The following ACOT12 variants were observed in gnomAD, a reference collection of about 807,000 sequenced individuals.
ACOT12 encodes the protein acetyl-coenzyme A thioesterase.
A neutral mutation model predicts 67.7 loss-of-function variants in ACOT12; 51 were observed. That is an observed-to-expected ratio of 0.75 (90% CI 0.60 to 0.95). The LOEUF (loss-of-function observed/expected upper bound fraction) is 0.95, where lower values mean the gene tolerates loss of function less well. Ranked by LOEUF, ACOT12 falls within the 40% of genes least tolerant of loss-of-function variation. ACOT12 has a pLI of 0.00. For missense variants in ACOT12, 734 were observed against 708.1 expected, an observed-to-expected ratio of 1.04 and a Z score of -0.41; for synonymous variants, 251 against 244.6, an observed-to-expected ratio of 1.03 and a Z score of -0.24.
chr5:81,311,119 G>A, the ACOT12 span: 2 of 1,280,918 alleles, frequency 1.6e-6, no homozygotes, highest in South Asian at 1.2e-5. Flanking sequence ...TGACAGGGTT[G>A]TGAGGATCCA....
rs1398164864 is a variant in ACOT12, at chr5:81,347,910, C to CCT, written c.515_516dup (p.Glu173ArgfsTer56). On this transcript the variant is annotated frameshift_variant, in exon 6 of 15. Coordinates refer to ENST00000307624, the MANE Select transcript of ACOT12 (RefSeq NM_130767.3). LOFTEE classifies it high-confidence loss of function. ...GTGCCCCTTGTGGAAACCGCTCCTTCCTCTTCATCAAAAATGAGATCTGAA... is the reference window on the plus strand; with the variant it reads ...GTGCCCCTTGTGGAAACCGCTCCTTCCTCTCTTCATCAAAAATGAGATCTGAA... The CCT allele has an allele frequency of 3.1e-6, 5 of 1,613,568 alleles. No individual in the cohort carries two copies. Among genetic ancestry groups the CCT allele is most frequent in the Non-Finnish European group, 4.2e-6 (5 of 1,179,780 alleles).
intron 2 of ACOT12, among the ~76,000 whole-genome samples, chr5:81,377,008 A>G (rs1760439031): frequency 6.6e-6 from 1 of 152,224 alleles, no homozygotes; most frequent in African/African-American, 2.4e-5. Context: ...CATCATCCTG[A>G]TACCAAGACC....
intron 5 of ACOT12, among the ~76,000 whole-genome samples, chr5:81,356,837 C>T (rs1317462734): frequency 6.6e-6 from 1 of 152,010 alleles, no homozygotes; most frequent in Non-Finnish European, 1.5e-5. Flanking sequence ...CTGGTTTAGG[C>T]ACCCCTCGCC....
At chr5:81,364,491 G>A (rs1242267615) in intron 3 of ACOT12, among the ~76,000 whole-genome samples, 5 of 151,662 alleles carry the variant, frequency 3.3e-5, no homozygotes, top group East Asian at 1.9e-4. Flanking sequence ...GCAGTGGCAC[G>A]ATCTTGGCTC....
rs776030037 is a variant in ACOT12 at position 81,345,971 on chromosome 5, G to A, written c.687C>T (p.Ser229=). The change falls in exon 7 of 15, where the codon TCC becomes TCT. Residue 229 remains serine, a synonymous_variant. Coordinates refer to ENST00000307624, the MANE Select transcript of ACOT12 (RefSeq NM_130767.3). The part of the protein sequence containing the change: ...RLCWAHPFLK[S]VDMFKFRGPS... ...GTCCCCGGAACTTAAACATATCTACGGACTTCAGAAAGGGATGAGCCCAAC... is the reference window on the plus strand; with the variant it reads ...GTCCCCGGAACTTAAACATATCTACAGACTTCAGAAAGGGATGAGCCCAAC... The A allele has an allele frequency of 8.1e-6, 13 of 1,613,760 alleles. No individual in the cohort carries two copies. Among genetic ancestry groups the A allele is most frequent in the African/African-American group, 4.0e-5 (3 of 74,858 alleles).
intron 1 of ACOT12, among the ~76,000 whole-genome samples, chr5:81,393,507 G>A (rs1760917246): frequency 6.6e-6 from 1 of 152,062 alleles, no homozygotes; most frequent in Non-Finnish European, 1.5e-5. Context: ...TTTGAGACCA[G>A]CCTGGGCAAC....
intron 5 of ACOT12, among the ~76,000 whole-genome samples, chr5:81,356,053 C>G (rs1759702325): frequency 6.6e-6 from 1 of 152,176 alleles, no homozygotes; most frequent in South Asian, 2.1e-4. Context: ...CTTCCCTCCC[C>G]ACCCCCCGCA....
rs73126071 is a variant in ACOT12, at chr5:81,365,215, A to G, written c.259-1326T>C. On this transcript the variant is annotated intron_variant, in intron 3 of 14. Coordinates refer to ENST00000307624, the MANE Select transcript of ACOT12 (RefSeq NM_130767.3). The stretch of plus-strand genomic sequence containing the variant: ...GAAAATAATGAGCTATCTCAGGCAC[A>G]GCTCAGCACTATGTTATCAACGATA... Among the ~76,000 whole-genome samples, 902 of 152,356 alleles carry G rather than the reference A, an allele frequency of 5.9e-3. 8 individuals are homozygous for G. Among genetic ancestry groups the G allele is most frequent in the African/African-American group, 0.021 (865 of 41,578 alleles).
At chr5:81,349,055 A>G (rs1022021605) in intron 5 of ACOT12, among the ~76,000 whole-genome samples, 2 of 152,192 alleles carry the variant, frequency 1.3e-5, no homozygotes, top group Non-Finnish European at 2.9e-5. Flanking sequence ...GAAAGGATTT[A>G]CAAACTGGGA....
chr5:81,389,852 TGACCTTGAATCTGTAATTG>T, intron 1 of ACOT12, among the ~76,000 whole-genome samples: 1 of 150,486 alleles, frequency 6.6e-6, no homozygotes, highest in Non-Finnish European at 1.5e-5. Context: ...TGATGTTCTA[TGACCTTGAATCTGTAATTG>T]TATGTCTTTC....
chr5:81,329,728 G>C (rs1316833826), downstream of ACOT12, among the ~76,000 whole-genome samples: 7 of 152,136 alleles, frequency 4.6e-5, no homozygotes, highest in Non-Finnish European at 1.0e-4. Flanking sequence ...AAGAGATCAC[G>C]GTCAATATTC....
At chr5:81,311,393 T>C in the ACOT12 span, 1 of 1,071,866 alleles carries the variant, frequency 9.3e-7, no homozygotes, top group South Asian at 1.4e-5. Context: ...AGACAACCTG[T>C]TTTCCTACTG....
chr5:81,342,109 A>G (rs952782452), intron 11 of ACOT12, among the ~76,000 whole-genome samples: 6 of 151,766 alleles, frequency 4.0e-5, no homozygotes, highest in African/African-American at 1.5e-4. Flanking sequence ...TCCCACCTCA[A>G]CCTCCTGGGT....
intron 13 of ACOT12, among the ~76,000 whole-genome samples, chr5:81,331,523 C>T (rs1580524642): frequency 1.3e-5 from 2 of 152,136 alleles, no homozygotes; most frequent in African/African-American, 2.4e-5. Flanking sequence ...GGCAACACAT[C>T]ATCTAAAATA....
At chr5:81,343,910 A>G (rs752263065) in intron 9 of ACOT12, 29 bp from the exon 10 acceptor site, 1 of 1,595,068 alleles carries the variant, frequency 6.3e-7, no homozygotes, top group Non-Finnish European at 8.6e-7. Flanking sequence ...GTGTTAAATG[A>G]CAGTTTTTTT....
chr5:81,371,939 G>T, intron 2 of ACOT12, 129 bp from the exon 3 acceptor site: 1 of 730,144 alleles, frequency 1.4e-6, no homozygotes, highest in East Asian at 2.6e-5. Flanking sequence ...TCATGCATGC[G>T]AAATTCAGGT....
At chr5:81,370,741 A>G (rs998731630) in intron 3 of ACOT12, among the ~76,000 whole-genome samples, 1 of 152,164 alleles carries the variant, frequency 6.6e-6, no homozygotes, top group Non-Finnish European at 1.5e-5. Context: ...GTGGGACACT[A>G]CTTTTCTGTG....
chr5:81,356,645 T>C (rs75589046), intron 5 of ACOT12, among the ~76,000 whole-genome samples: 1,704 of 152,120 alleles, frequency 0.011, 17 homozygotes, highest in South Asian at 0.016. Flanking sequence ...GCCCCTCAGA[T>C]CCATGATCTC....
At position 81,357,379 on chromosome 5, in the gene ACOT12, C is replaced by A. The variant is rs149825919; in HGVS notation, c.496+2524G>T. On this transcript the variant is annotated intron_variant, in intron 5 of 14. Coordinates refer to ENST00000307624, the MANE Select transcript of ACOT12 (RefSeq NM_130767.3). ...AAGCAGGTTCCTGGCACATGACAGG[C>A]GTTTCATACAGAACTGTTGGAAGGA... Among the ~76,000 whole-genome samples, 1,183 of 152,288 alleles carry A rather than the reference C, an allele frequency of 7.8e-3. 9 individuals carry two copies. The highest frequency in any genetic ancestry group is 0.014 in the Non-Finnish European group (964 of 68,026).
Sources: gnomAD v4.1 joint callset for allele counts (sites outside exome capture counted in the v4.1 genomes callset) on GRCh38, gnomAD v4.1.1 for gene constraint, MANE v1.5 for transcripts, NCBI Gene and HGNC (gene_info 2026-07-23, HGNC 2026-07-21) for gene names.